MYO18B: variants seen among roughly 807,000 people sequenced by gnomAD.
MYO18B encodes unconventional myosin-XVIIIb.
Under a neutral mutation model 273.0 loss-of-function variants are expected in MYO18B, and 204 were observed. The observed-to-expected ratio is 0.75, with a 90% CI of 0.67 to 0.84. The LOEUF (loss-of-function observed/expected upper bound fraction) is 0.84. Ranked by LOEUF, MYO18B falls within the 40% of genes least tolerant of loss-of-function variation. The pLI is 0.00. For missense variants in MYO18B, 3,212 were observed against 3,287.6 expected (o/e 0.98, Z 0.56); for synonymous variants, 1,330 against 1,305.7 (o/e 1.02, Z -0.40).
At chr22:26,014,903 G>GTTT (rs35917774) in intron 42 of MYO18B, among the ~76,000 whole-genome samples, 96 of 149,436 alleles carry the variant, frequency 6.4e-4, no homozygotes, top group African/African-American at 2.2e-3. Flanking sequence ...TTTTTAATGG[G>GTTT]TTTTTTTTTT....
At chr22:25,797,887 A>C in intron 11 of MYO18B, 66 bp from the exon 12 acceptor site, 4 of 1,609,016 alleles carry the variant, frequency 2.5e-6, no homozygotes, top group Non-Finnish European at 3.4e-6. Flanking sequence ...CTCAGCTTCA[A>C]GTTGTGAGCT....
rs115281310 is a variant in MYO18B at position 25,782,257 on chromosome 22, G to A, written c.2312+423G>A. ...TAAATGCTGGGAGTCAAGGCTGTCT[G>A]CTGTGATAGTGGCATGTCAGTACTG... On this transcript the variant is annotated intron_variant, in intron 10 of 43. Transcript: ENST00000335473. Among the ~76,000 whole-genome samples, 687 of 152,362 alleles carry A rather than the reference G, an allele frequency of 4.5e-3. 3 individuals are homozygous for A. Among genetic ancestry groups the A allele is most frequent in the African/African-American group, 0.014 (602 of 41,586 alleles).
At chr22:25,752,188 A>ATTT (rs10562664) in intron 1 of MYO18B, among the ~76,000 whole-genome samples, 1 of 137,220 alleles carries the variant, frequency 7.3e-6, no homozygotes, top group Admixed American at 7.3e-5. Context: ...ATTTTAATTA[A>ATTT]TTTTTTTTTT....
chr22:25,934,110 A>G (rs2092546770), intron 34 of MYO18B, among the ~76,000 whole-genome samples: 1 of 151,798 alleles, frequency 6.6e-6, no homozygotes, highest in Non-Finnish European at 1.5e-5. Context: ...ATCCATTTCG[A>G]TATTTATTTT....
chr22:26,053,707 G>A, the MYO18B span, among the ~76,000 whole-genome samples: 10 of 152,134 alleles, frequency 6.6e-5, no homozygotes, highest in African/African-American at 9.7e-5. Flanking sequence ...TGCATTTGTA[G>A]GTAAAGGAAA....
At chr22:25,803,127 AT>A (rs372786196) in intron 12 of MYO18B, among the ~76,000 whole-genome samples, 5 of 148,908 alleles carry the variant, frequency 3.4e-5, no homozygotes, top group Non-Finnish European at 4.5e-5. Flanking sequence ...ACACCCGGCT[AT>A]TTTTTTTTGT....
At chr22:25,925,688 TGG>T (rs2092409740) in intron 34 of MYO18B, among the ~76,000 whole-genome samples, 1 of 144,140 alleles carries the variant, frequency 6.9e-6, no homozygotes, top group Non-Finnish European at 1.5e-5. Flanking sequence ...GTGGATCACC[TGG>T]GGTCAGGAGT....
intron 12 of MYO18B, among the ~76,000 whole-genome samples, chr22:25,800,552 A>G (rs910835135): frequency 1.3e-5 from 2 of 152,252 alleles, no homozygotes; most frequent in African/African-American, 4.8e-5. Context: ...GAGGGAAGGC[A>G]GGTAGTATAA....
intron 1 of MYO18B, among the ~76,000 whole-genome samples, chr22:25,760,617 A>G (rs2086282016): frequency 6.6e-6 from 1 of 152,098 alleles, no homozygotes; most frequent in Non-Finnish European, 1.5e-5. Context: ...TTTACCATAG[A>G]TTAGATTTGC....
chr22:26,044,957 C>A, the MYO18B span, among the ~76,000 whole-genome samples: 1 of 152,168 alleles, frequency 6.6e-6, no homozygotes, highest in African/African-American at 2.4e-5. Context: ...GTAATCATGG[C>A]CCCAGTAATT....
chr22:25,960,916 G>A (rs1601694626), intron 39 of MYO18B, among the ~76,000 whole-genome samples: 1 of 152,064 alleles, frequency 6.6e-6, no homozygotes, highest in South Asian at 2.1e-4. Flanking sequence ...TTGGGAGGAC[G>A]AGTGGGAGGA....
chr22:25,810,843 T>C (rs1008305132), intron 12 of MYO18B, among the ~76,000 whole-genome samples: 3 of 152,130 alleles, frequency 2.0e-5, no homozygotes, highest in South Asian at 2.1e-4. Flanking sequence ...ATTACTGATA[T>C]CTTGTGATGA....
chr22:25,811,136 C>T lies in MYO18B; in HGVS notation c.2522-12369C>T, dbSNP rs562911106. 1.5e-3 allele frequency among the ~76,000 whole-genome samples: 223 copies of T among 151,578 alleles called. 1 individual carries two copies. The highest frequency in any genetic ancestry group is 5.3e-3 in the African/African-American group (217 of 41,302). ...TCAAGGGATTCTCCTGCCTCAGCCT[C>T]CCGAGTGGCTGGGATTACAGGTGGC... On this transcript the variant is annotated intron_variant, in intron 12 of 43. Coordinates refer to ENST00000335473, the MANE Select transcript of MYO18B (RefSeq NM_032608.7).
the MYO18B span, among the ~76,000 whole-genome samples, chr22:26,044,169 T>C: frequency 6.6e-6 from 1 of 152,234 alleles, no homozygotes; most frequent in South Asian, 2.1e-4. Context: ...TTTTGTTAAT[T>C]GAGTTGCTTG....
intron 40 of MYO18B, among the ~76,000 whole-genome samples, chr22:25,999,972 C>T (rs946541892): frequency 2.0e-5 from 3 of 152,074 alleles, no homozygotes; most frequent in African/African-American, 7.2e-5. Context: ...TTTTAAAAAG[C>T]CACTTGCACC....
intron 1 of MYO18B, among the ~76,000 whole-genome samples, chr22:25,742,594 T>G (rs2085659439): frequency 6.6e-6 from 1 of 152,082 alleles, no homozygotes; most frequent in Non-Finnish European, 1.5e-5. Context: ...AAAAATGTGT[T>G]TAGAATCATG....
chr22:25,956,451 G>A (rs1262548166), intron 39 of MYO18B, among the ~76,000 whole-genome samples: 4 of 152,130 alleles, frequency 2.6e-5, no homozygotes, highest in Admixed American at 6.6e-5. Context: ...CTTGAGCTCA[G>A]GCAATCTGCC....
chr22:26,003,204 C>G, intron 40 of MYO18B, 61 bp from the exon 41 acceptor site: 1 of 1,446,816 alleles, frequency 6.9e-7, no homozygotes, highest in Non-Finnish European at 9.6e-7. Flanking sequence ...ACGTCAATAA[C>G]CATGCTTCCA....
chr22:26,002,548 A>G (rs769912540), intron 40 of MYO18B, among the ~76,000 whole-genome samples: 4 of 152,206 alleles, frequency 2.6e-5, no homozygotes, highest in Admixed American at 1.3e-4. Context: ...ACAGCAGAGA[A>G]TACTGAGAAG....
Sources: allele counts gnomAD v4.1 joint callset (sites outside exome capture counted in the v4.1 genomes callset), GRCh38; gene constraint gnomAD v4.1.1; transcripts MANE v1.5; gene names NCBI Gene and HGNC (gene_info 2026-07-23, HGNC 2026-07-21).